Variants in MELK observed in about 807,000 individuals in gnomAD.
MELK encodes the protein pEg3 kinase.
In MELK, 81 loss-of-function variants were observed where a neutral mutation model predicts 85.0. The observed-to-expected ratio is 0.95, with a 90% confidence interval of 0.80 to 1.15. The LOEUF (loss-of-function observed/expected upper bound fraction) is 1.15. MELK is among the 50% of genes most tolerant of loss of function. The probability of loss-of-function intolerance (pLI) is 0.00; values close to 1 mark genes in which losing one functional copy is unlikely to be tolerated. For synonymous variants in MELK, 252 were observed against 265.0 expected (o/e 0.95, Z 0.48); for missense variants, 754 against 777.5 (o/e 0.97, Z 0.36).
chr9:36,593,892 G>C (rs1273661831), intron 4 of MELK, among the ~76,000 whole-genome samples: 1 of 152,042 alleles, frequency 6.6e-6, no homozygotes, highest in East Asian at 1.9e-4. Context: ...GGGTTGGCCA[G>C]GCTGGTCTCG....
intron 8 of MELK, among the ~76,000 whole-genome samples, chr9:36,615,438 G>C (rs1826589103): frequency 7.0e-6 from 1 of 141,944 alleles, no homozygotes; most frequent in Non-Finnish European, 1.5e-5. Context: ...TGGCCAGGCG[G>C]GGGGCTGACC....
rs1392189161 is a variant in MELK, at chr9:36,642,417, A to C, written c.835-580A>C. On this transcript the variant is annotated intron_variant, in intron 10 of 17. Coordinates refer to ENST00000298048, the MANE Select transcript of MELK (RefSeq NM_014791.4). ...TACAGTCCCTGGGCTGTACAACAGA[A>C]CTTTTTTTTTTTTTTTTTTTTTTTT... is the stretch of plus-strand genomic sequence containing the variant. Among the ~76,000 whole-genome samples the C allele has an allele frequency of 1.3e-4, 16 of 127,430 alleles. No individual in the cohort carries two copies. The Admixed American group carries it at 1.3e-3, about 10-fold the overall frequency. The allele number at this position is 127,430 out of a possible 152,430, so 83.6% of individuals were successfully genotyped here. A position where few individuals can be genotyped will look rare whatever the true frequency, so the allele number is the denominator to read the frequency against.
chr9:36,584,160 TA>T (rs1357379903), intron 3 of MELK, among the ~76,000 whole-genome samples: 1 of 135,548 alleles, frequency 7.4e-6, no homozygotes, highest in Non-Finnish European at 1.6e-5. Flanking sequence ...CGCCCGCCAC[TA>T]CGCCCGGCTA....
At chr9:36,603,326 C>T (rs1229954933) in intron 7 of MELK, among the ~76,000 whole-genome samples, 1 of 152,104 alleles carries the variant, frequency 6.6e-6, no homozygotes, top group African/African-American at 2.4e-5. Context: ...TTCTGATGTT[C>T]ACAGTCCTGA....
At chr9:36,588,402 G>A (rs1230151131) in intron 3 of MELK, among the ~76,000 whole-genome samples, 1 of 134,360 alleles carries the variant, frequency 7.4e-6, no homozygotes, top group Non-Finnish European at 1.5e-5. Context: ...TTTTTGAGAC[G>A]GAGTTTCGCT....
At chr9:36,639,245 T>C (rs185833119) in intron 10 of MELK, among the ~76,000 whole-genome samples, 3 of 152,360 alleles carry the variant, frequency 2.0e-5, no homozygotes, top group Admixed American at 2.0e-4. Flanking sequence ...ATTAATCTCT[T>C]TTGCCTGCCT....
At chr9:36,626,350 T>C (rs1827928129) in intron 8 of MELK, among the ~76,000 whole-genome samples, 1 of 152,138 alleles carries the variant, frequency 6.6e-6, no homozygotes, top group Non-Finnish European at 1.5e-5. Context: ...CTTTATGATT[T>C]AGCAGGATAC....
chr9:36,626,838 A>G (rs938238808), intron 8 of MELK, among the ~76,000 whole-genome samples: 4 of 151,926 alleles, frequency 2.6e-5, no homozygotes, highest in Non-Finnish European at 4.4e-5. Context: ...AGGCACCCGT[A>G]ATCCCAGCTA....
At chr9:36,615,933 C>T (rs1183714620) in intron 8 of MELK, among the ~76,000 whole-genome samples, 1 of 151,884 alleles carries the variant, frequency 6.6e-6, no homozygotes, top group Non-Finnish European at 1.5e-5. Context: ...CAGAGACACT[C>T]CTCACTTCCC....
chr9:36,590,480 C>T (rs184623160), intron 4 of MELK, among the ~76,000 whole-genome samples: 24 of 152,168 alleles, frequency 1.6e-4, no homozygotes, highest in Non-Finnish European at 2.9e-4. Context: ...TCTTGGCCTC[C>T]GTCTTCAAAT....
intron 7 of MELK, among the ~76,000 whole-genome samples, chr9:36,599,919 C>T (rs899943275): frequency 6.6e-6 from 1 of 152,098 alleles, no homozygotes; most frequent in African/African-American, 2.4e-5. Context: ...TGGGATTTGC[C>T]TGATTTATAT....
At chr9:36,658,916 C>T (rs1476622524) in intron 13 of MELK, among the ~76,000 whole-genome samples, 4 of 137,114 alleles carry the variant, frequency 2.9e-5, no homozygotes, top group African/African-American at 5.6e-5. Flanking sequence ...GAGTCTCGCT[C>T]TGTCACCCAG....
At chr9:36,580,052 T>A (rs910328202) in intron 1 of MELK, among the ~76,000 whole-genome samples, 7 of 146,362 alleles carry the variant, frequency 4.8e-5, no homozygotes, top group Non-Finnish European at 7.5e-5. Flanking sequence ...TTTTTTTTTT[T>A]TTTTTTTTAT....
At chr9:36,595,565 CTG>C (rs1276054104) in intron 5 of MELK, among the ~76,000 whole-genome samples, 1 of 147,452 alleles carries the variant, frequency 6.8e-6, no homozygotes, top group Admixed American at 6.8e-5. Context: ...TATGAGCATT[CTG>C]TGTATCTGTC....
At chr9:36,657,406 C>T (rs1831362867) in intron 13 of MELK, 43 bp downstream of exon 13, 12 of 1,539,930 alleles carry the variant, frequency 7.8e-6, no homozygotes, top group African/African-American at 1.4e-5. Context: ...TCTATTGTTT[C>T]AATTATAAAA....
At chr9:36,648,309 A>C (rs1830403759) in intron 11 of MELK, among the ~76,000 whole-genome samples, 1 of 152,210 alleles carries the variant, frequency 6.6e-6, no homozygotes. Flanking sequence ...CTGAAAGCTA[A>C]GTGCTTGCAG....
rs936090697 is a variant in MELK at position 36,636,229 on chromosome 9, C to T, written c.834+3029C>T. Among the ~76,000 whole-genome samples the T allele has an allele frequency of 1.3e-3, 193 of 152,022 alleles. 2 individuals are homozygous for T. The highest frequency in any genetic ancestry group is 6.2e-4 in the South Asian group (3 of 4,816). ...GGCTTAAAACAATAATTTGGCTGGG[C>T]ACGGTGGCTCACGCCTGTAATCCTA... On this transcript the variant is annotated intron_variant, in intron 10 of 17. Transcript: ENST00000298048.
intron 8 of MELK, among the ~76,000 whole-genome samples, chr9:36,618,087 C>A (rs989592972): frequency 6.6e-6 from 1 of 151,492 alleles, no homozygotes; most frequent in African/African-American, 2.4e-5. Flanking sequence ...TATGATTGCA[C>A]CATTGCATTC....
chr9:36,581,301 C>T (rs1223572134), intron 1 of MELK, among the ~76,000 whole-genome samples: 1 of 152,014 alleles, frequency 6.6e-6, no homozygotes, highest in African/African-American at 2.4e-5. Flanking sequence ...ACAACACACG[C>T]ACCACTGTGC....
Sources: allele counts gnomAD v4.1 joint callset (sites outside exome capture counted in the v4.1 genomes callset), GRCh38; gene constraint gnomAD v4.1.1; transcripts MANE v1.5; gene names NCBI Gene and HGNC (gene_info 2026-07-23, HGNC 2026-07-21).